Variants in DTX1 observed in about 807,000 individuals in gnomAD.
DTX1 encodes the protein E3 ubiquitin-protein ligase DTX1.
Under a neutral mutation model 57.8 loss-of-function variants are expected in DTX1, and 26 were observed. The observed-to-expected ratio is 0.45, with a 90% CI of 0.33 to 0.62. DTX1 has a LOEUF of 0.62. Ranked by LOEUF, DTX1 falls within the 20% of genes least tolerant of loss-of-function variation. DTX1 has a pLI of 0.02. For synonymous variants in DTX1, 398 were observed against 394.1 expected (o/e 1.01, Z -0.12); for missense variants, 704 against 895.3 (o/e 0.79, Z 2.73).
chr12:113,078,080 A>G lies in DTX1; in HGVS notation c.916A>G (p.Ser306Gly), dbSNP rs1439946187. 6 of 1,396,832 alleles carry G rather than the reference A, an allele frequency of 4.3e-6. No homozygotes were observed. The East Asian group carries it at 1.9e-4, about 43-fold the overall frequency. 86.5% of individuals were successfully genotyped at this position (1,396,832 alleles called of 1,614,324 possible). A position where few individuals can be genotyped will look rare whatever the true frequency, so the allele number is the denominator to read the frequency against. The change falls in exon 3 of 10, where the codon AGC becomes GGC. Residue 306 changes from serine (S) to glycine (G), a missense_variant. Physicochemically the swap from Ser to Gly is moderately conservative, Grantham distance 56 (BLOSUM62 0). This residue lies in a region of DTX1 where 299 missense variants were observed against 311.2 expected (regional missense o/e 0.96). Coordinates refer to ENST00000548759, the MANE Select transcript of DTX1 (RefSeq NM_004416.3). ...RPGPQRTTSV[S>G]ARASIPPGVP... ...CGGGCCCCAGCGCACCACCAGCGTG[A>G]GCGCGCGCGCCTCCATCCCGCCGGG... is the stretch of plus-strand genomic sequence containing the variant.
Position 113,058,162 on chromosome 12 carries a change from G to C in DTX1, c.-31G>C. On this transcript the variant is annotated 5_prime_UTR_variant, in exon 2 of 10. Transcript: ENST00000548759. ...CAGGAGGAGCTGGGCCTGCAATAGTGGGGGACCTGGCCCCTGAGGCAGTGG... is the reference window on the plus strand; with the variant it reads ...CAGGAGGAGCTGGGCCTGCAATAGTCGGGGACCTGGCCCCTGAGGCAGTGG... 2 of 1,568,064 alleles carry C rather than the reference G, an allele frequency of 1.3e-6. No homozygotes were observed. The highest frequency in any genetic ancestry group is 2.3e-5 in the East Asian group (1 of 43,950).
chr12:113,057,255 G>T (rs543226574), intron 1 of DTX1, among the ~76,000 whole-genome samples, 194 bp from the exon 2 acceptor site: 2 of 152,130 alleles, frequency 1.3e-5, no homozygotes, highest in Admixed American at 6.5e-5. Context: ...GAGAGTCTCG[G>T]AAAACCGCGC....
intron 2 of DTX1, among the ~76,000 whole-genome samples, chr12:113,059,380 C>A (rs1291626879): frequency 6.6e-6 from 1 of 151,734 alleles, no homozygotes; most frequent in Non-Finnish European, 1.5e-5. Context: ...TGGCTGGTAG[C>A]CCTGTGTGTG....
chr12:113,096,430 A>T (rs1450473844), intron 9 of DTX1, among the ~76,000 whole-genome samples: 2 of 123,602 alleles, frequency 1.6e-5, no homozygotes, highest in Non-Finnish European at 3.4e-5. Flanking sequence ...ACACAGCAAG[A>T]CTCTGCCTCA....
At chr12:113,084,083 G>A (rs775057383) in intron 3 of DTX1, among the ~76,000 whole-genome samples, 1 of 152,238 alleles carries the variant, frequency 6.6e-6, no homozygotes, top group Non-Finnish European at 1.5e-5. Flanking sequence ...AGGGGGATTG[G>A]CTCATCTAGG....
intron 2 of DTX1, among the ~76,000 whole-genome samples, chr12:113,070,513 G>A (rs2044731534): frequency 6.6e-6 from 1 of 152,190 alleles, no homozygotes; most frequent in African/African-American, 2.4e-5. Context: ...CCGTTTAGAG[G>A]CTGAGGGACC....
At chr12:113,085,701 A>G (rs950947815) in intron 3 of DTX1, among the ~76,000 whole-genome samples, 2 of 151,976 alleles carry the variant, frequency 1.3e-5, no homozygotes, top group African/African-American at 4.8e-5. Flanking sequence ...TAATTAATTC[A>G]TTCATATTTA....
intron 2 of DTX1, among the ~76,000 whole-genome samples, chr12:113,065,609 A>T (rs1470757513): frequency 6.6e-6 from 1 of 151,888 alleles, no homozygotes; most frequent in Non-Finnish European, 1.5e-5. Context: ...TCTGACCTGG[A>T]GAGGAAGGAG....
intron 2 of DTX1, among the ~76,000 whole-genome samples, chr12:113,061,931 C>G (rs553667283): frequency 1.2e-4 from 19 of 152,208 alleles, no homozygotes; most frequent in Admixed American, 2.0e-4. Flanking sequence ...GTCTTGAACT[C>G]CTGGCCTCAA....
chr12:113,060,522 G>C (rs1012350063), intron 2 of DTX1, among the ~76,000 whole-genome samples: 6 of 152,214 alleles, frequency 3.9e-5, no homozygotes, highest in African/African-American at 1.4e-4. Context: ...CCAGTGCAAA[G>C]GCCCTGGGGT....
intron 3 of DTX1, among the ~76,000 whole-genome samples, chr12:113,089,522 C>T (rs1183231168): frequency 6.6e-6 from 1 of 152,088 alleles, no homozygotes; most frequent in African/African-American, 2.4e-5. Flanking sequence ...CCGGGAGGCC[C>T]GCAGGCAGCG....
At chr12:113,067,935 A>T (rs960549925) in intron 2 of DTX1, among the ~76,000 whole-genome samples, 3 of 152,134 alleles carry the variant, frequency 2.0e-5, no homozygotes, top group Non-Finnish European at 2.9e-5. Context: ...GCTACTCAGG[A>T]GGCTGAGGCT....
Position 113,058,211 on chromosome 12 carries a change from G to T in DTX1, c.19G>T (p.Gly7Cys). The change falls in exon 2 of 10, where the codon GGT (glycine) becomes TGT (cysteine). Residue 7 changes from glycine to cysteine, a missense_variant. Coordinates refer to ENST00000548759, the MANE Select transcript of DTX1 (RefSeq NM_004416.3). ...GGCGGCCATGTCACGGCCAGGCCAC[G>T]GTGGGCTGATGCCTGTGAATGGTCT... MSRPGH[G>C]GLMPVNGLGF... is the part of the protein sequence containing the mutation. 1 of 1,608,996 alleles carries T rather than the reference G, an allele frequency of 6.2e-7. No homozygotes were observed. The highest frequency in any genetic ancestry group is 2.2e-5 in the East Asian group (1 of 44,776).
At chr12:113,095,512 C>T in intron 9 of DTX1, 98 bp downstream of exon 9, 4 of 1,458,882 alleles carry the variant, frequency 2.7e-6, no homozygotes, top group Non-Finnish European at 3.8e-6. Flanking sequence ...CCAATCCCTG[C>T]TCTCACATTC....
At chr12:113,095,461 C>A in intron 9 of DTX1, 47 bp downstream of exon 9, 5 of 1,609,908 alleles carry the variant, frequency 3.1e-6, no homozygotes, top group Non-Finnish European at 3.4e-6. Flanking sequence ...CAGGCAGGGG[C>A]TCCAGCAACC....
Position 113,095,433 on chromosome 12 carries a change from G to A in DTX1, c.1638+19G>A. On this transcript the variant is annotated intron_variant, in intron 9 of 9. Coordinates refer to ENST00000548759, the MANE Select transcript of DTX1 (RefSeq NM_004416.3). The stretch of plus-strand genomic sequence containing the variant: ...CCGGAAGGTGGGTGCCCAGCCGTGA[G>A]GGCATGGGAGATAGGCACAGGCAGG... The A allele has an allele frequency of 6.2e-7, 1 of 1,614,048 alleles. No homozygotes were observed. Among genetic ancestry groups the A allele is most frequent in the Non-Finnish European group, 8.5e-7 (1 of 1,180,024 alleles).
At chr12:113,089,026 C>A (rs1376971148) in intron 3 of DTX1, among the ~76,000 whole-genome samples, 3 of 152,110 alleles carry the variant, frequency 2.0e-5, no homozygotes, top group African/African-American at 7.2e-5. Context: ...AAATAAATAA[C>A]TAAATAAAGT....
chr12:113,078,347 T>C lies in DTX1; in HGVS notation c.941+242T>C, dbSNP rs1344409173. On this transcript the variant is annotated intron_variant, in intron 3 of 9. Transcript: ENST00000548759. ...AGGTAGGTACCATCATCACCTCCAG[T>C]TCACAGATGAAGAACTAACTCCCCC... 4.6e-5 allele frequency among the ~76,000 whole-genome samples: 7 copies of C among 152,272 alleles called. No homozygotes were observed. In the East Asian group the frequency reaches 1.4e-3, roughly 29 times the overall value.
chr12:113,081,830 G>A (rs2044819985), intron 3 of DTX1, among the ~76,000 whole-genome samples: 1 of 152,120 alleles, frequency 6.6e-6, no homozygotes, highest in African/African-American at 2.4e-5. Flanking sequence ...AGGTTCTGGA[G>A]ACCACCGGGG....
Sources: allele counts gnomAD v4.1 joint callset (sites outside exome capture counted in the v4.1 genomes callset), GRCh38; gene constraint gnomAD v4.1.1; regional missense constraint gnomAD v4.1.1; transcripts MANE v1.5; gene names NCBI Gene and HGNC (gene_info 2026-07-23, HGNC 2026-07-21).